The following ADAMTSL1 variants were observed in gnomAD, a reference collection of about 807,000 sequenced individuals.
The protein encoded by ADAMTSL1 is ADAMTS like 1.
A neutral mutation model predicts 201.8 loss-of-function variants in ADAMTSL1; 126 were observed. The observed-to-expected ratio is 0.62, with a 90% CI of 0.54 to 0.72. The LOEUF (loss-of-function observed/expected upper bound fraction) is 0.72. Ranked by LOEUF, ADAMTSL1 falls within the 30% of genes least tolerant of loss-of-function variation. The pLI is 0.00. For synonymous variants in ADAMTSL1, 1,121 were observed against 903.4 expected (o/e 1.24, Z -4.32); for missense variants, 2,679 against 2,277.8 (o/e 1.18, Z -3.59).
chr9:18,043,158 A>G (rs939279517), intron 1 of ADAMTSL1, among the ~76,000 whole-genome samples: 1 of 152,102 alleles, frequency 6.6e-6, no homozygotes, highest in Admixed American at 6.6e-5. Context: ...AATGGTGTAT[A>G]TTTATATGCC....
chr9:18,340,640 T>A (rs1227213916), intron 2 of ADAMTSL1, among the ~76,000 whole-genome samples: 2 of 152,182 alleles, frequency 1.3e-5, no homozygotes, highest in African/African-American at 2.4e-5. Context: ...GGTAATTGAA[T>A]CATGGGGATG....
At chr9:18,444,944 C>T (rs1820131606) in intron 2 of ADAMTSL1, among the ~76,000 whole-genome samples, 1 of 152,080 alleles carries the variant, frequency 6.6e-6, no homozygotes, top group South Asian at 2.1e-4. Context: ...TTAGGCACTA[C>T]GATTACCCTC....
Position 17,971,755 on chromosome 9 carries a change from C to T in ADAMTSL1, c.87+64833C>T, listed in dbSNP as rs534379471. Among the ~76,000 whole-genome samples, 5 of 151,868 alleles carry T rather than the reference C, an allele frequency of 3.3e-5. No individual in the cohort carries two copies. In the East Asian group the frequency reaches 9.7e-4, roughly 29 times the overall value. On this transcript the variant is annotated intron_variant, in intron 1 of 29. Transcript: ENST00000680146. The stretch of plus-strand genomic sequence containing the variant: ...TGCCTGTACACTTGAAGATGCCTGT[C>T]CAAAAGATACATTTTTAACTTCTTA...
intron 2 of ADAMTSL1, among the ~76,000 whole-genome samples, chr9:18,240,163 AC>A (rs1304208457): frequency 6.6e-6 from 1 of 152,146 alleles, no homozygotes; most frequent in Non-Finnish European, 1.5e-5. Flanking sequence ...TTTTAGCCTG[AC>A]AAAATGCATC....
intron 3 of ADAMTSL1, among the ~76,000 whole-genome samples, chr9:18,536,749 G>A (rs1191160163): frequency 2.0e-5 from 3 of 152,166 alleles, no homozygotes; most frequent in Non-Finnish European, 4.4e-5. Context: ...GTGTGAGCTA[G>A]CAAACCAGTC....
At chr9:17,917,136 AGTT>A (rs1826125360) in intron 1 of ADAMTSL1, among the ~76,000 whole-genome samples, 1 of 152,154 alleles carries the variant, frequency 6.6e-6, no homozygotes, top group Non-Finnish European at 1.5e-5. Context: ...CATTAGCTGT[AGTT>A]GTTGTGTGCA....
At chr9:18,216,706 C>T (rs1587331563) in intron 2 of ADAMTSL1, among the ~76,000 whole-genome samples, 1 of 146,324 alleles carries the variant, frequency 6.8e-6, no homozygotes, top group Admixed American at 6.8e-5. Context: ...TAATTCTCTT[C>T]CATTTTCCTT....
chr9:18,465,800 G>A (rs927956560), intron 2 of ADAMTSL1, among the ~76,000 whole-genome samples: 1 of 152,206 alleles, frequency 6.6e-6, no homozygotes, highest in Non-Finnish European at 1.5e-5. Flanking sequence ...CCAGGCTGGG[G>A]TGCAGTGGCA....
At chr9:18,114,903 A>C (rs989867353) in intron 1 of ADAMTSL1, among the ~76,000 whole-genome samples, 1 of 152,160 alleles carries the variant, frequency 6.6e-6, no homozygotes, top group African/African-American at 2.4e-5. Context: ...CTGATGTTTT[A>C]AGGTAAGTCA....
chr9:18,818,033 T>C (rs1823971723), intron 21 of ADAMTSL1, among the ~76,000 whole-genome samples: 1 of 152,206 alleles, frequency 6.6e-6, no homozygotes, highest in Admixed American at 6.5e-5. Context: ...TAATATGCTC[T>C]GTATAAAAAT....
At chr9:18,806,057 GA>G (rs1419511879) in intron 20 of ADAMTSL1, among the ~76,000 whole-genome samples, 10 of 152,174 alleles carry the variant, frequency 6.6e-5, no homozygotes. Flanking sequence ...AAGACTAGGG[GA>G]AATTATTTTG....
intron 20 of ADAMTSL1, among the ~76,000 whole-genome samples, chr9:18,802,167 A>C (rs891533410): frequency 6.6e-6 from 1 of 151,920 alleles, no homozygotes; most frequent in Admixed American, 6.5e-5. Context: ...TCCCAGCTAC[A>C]TGGGAGGCTG....
intron 1 of ADAMTSL1, among the ~76,000 whole-genome samples, chr9:18,103,582 C>G (rs533450403): frequency 6.6e-6 from 1 of 152,202 alleles, no homozygotes; most frequent in South Asian, 2.1e-4. Flanking sequence ...ATATGCTCTG[C>G]TTGAACAAGT....
rs372839795 is a variant in ADAMTSL1 at position 18,649,929 on chromosome 9, C to G, written c.835-7710C>G. ...CACTGCTCTCTTCAAAGCTGTCAGA[C>G]AGGGACATTTAAGTCTGCAGACGTT... On this transcript the variant is annotated intron_variant, in intron 7 of 28. Transcript: ENST00000380548. Among the ~76,000 whole-genome samples, 8 of 152,280 alleles carry G rather than the reference C, an allele frequency of 5.3e-5. No homozygotes were observed. In the East Asian group the frequency reaches 1.5e-3, roughly 29 times the overall value.
chr9:18,616,067 C>A (rs1333705773), intron 4 of ADAMTSL1, among the ~76,000 whole-genome samples: 1 of 152,082 alleles, frequency 6.6e-6, no homozygotes, highest in Admixed American at 6.5e-5. Flanking sequence ...GTTCTGTTGC[C>A]CAGGCTGGAG....
chr9:18,634,629 G>C (rs934921588), intron 5 of ADAMTSL1, among the ~76,000 whole-genome samples: 2 of 151,748 alleles, frequency 1.3e-5, no homozygotes, highest in African/African-American at 2.4e-5. Context: ...CATGAGGTCA[G>C]GAGTTCGAGA....
chr9:18,647,678 T>A lies in ADAMTSL1; in HGVS notation c.834+8267T>A, dbSNP rs1310832315. ...TCATTCAGGAGCAGGTTGTTCAGTT[T>A]CCATGTAGTTGAGTGGTTTTGAGTG... On this transcript the variant is annotated intron_variant, in intron 7 of 28. Transcript: ENST00000380548. Among the ~76,000 whole-genome samples the A allele has an allele frequency of 1.3e-5, 2 of 151,150 alleles. 1 individual carries two copies. Among genetic ancestry groups the A allele is most frequent in the Non-Finnish European group, 3.0e-5 (2 of 67,602 alleles).
chr9:18,899,283 C>T (rs183974635), intron 26 of ADAMTSL1, among the ~76,000 whole-genome samples: 22 of 152,116 alleles, frequency 1.4e-4, no homozygotes, highest in Non-Finnish European at 2.2e-4. Flanking sequence ...AACCACTGCT[C>T]GAGGAAATCA....
chr9:18,553,763 A>C (rs1424173081), intron 3 of ADAMTSL1, among the ~76,000 whole-genome samples: 1 of 151,784 alleles, frequency 6.6e-6, no homozygotes, highest in Non-Finnish European at 1.5e-5. Flanking sequence ...ACTTCTAACT[A>C]CCATCGTTGC....
Sources: allele counts gnomAD v4.1 joint callset (sites outside exome capture counted in the v4.1 genomes callset), GRCh38; gene constraint gnomAD v4.1.1; transcripts MANE v1.5; gene names NCBI Gene and HGNC (gene_info 2026-07-23, HGNC 2026-07-21).